Variants in NOXO1 observed in about 807,000 individuals in gnomAD.
NOXO1 encodes the protein NADPH oxidase regulatory protein.
A neutral mutation model predicts 33.3 loss-of-function variants in NOXO1; 38 were observed. The observed-to-expected ratio is 1.14, with a 90% CI of 0.88 to 1.50. The LOEUF (loss-of-function observed/expected upper bound fraction) is 1.50, where lower values mean the gene tolerates loss of function less well. NOXO1 is among the 40% of genes most tolerant of loss of function. The pLI is 0.00. For missense variants in NOXO1, 675 were observed against 527.1 expected, an observed-to-expected ratio of 1.28 and a Z score of -2.75; for synonymous variants, 302 against 237.3, an observed-to-expected ratio of 1.27 and a Z score of -2.51.
Position 1,981,027 on chromosome 16 carries a change from A to G in NOXO1, c.67-8T>C. On this transcript the variant is annotated splice_polypyrimidine_tract_variant and splice_region_variant and intron_variant, in intron 1 of 7. Transcript: ENST00000356120. Reference sequence around the variant, plus strand: ...CACAGAGAAGGCAAACGTCTGGGGGACAAAAAGTTGGGAGTGCCGTGGAGG... The same window carrying G: ...CACAGAGAAGGCAAACGTCTGGGGGGCAAAAAGTTGGGAGTGCCGTGGAGG... The G allele has an allele frequency of 6.2e-7, 1 of 1,613,222 alleles. No homozygotes were observed. Among genetic ancestry groups the G allele is most frequent in the Non-Finnish European group, 8.5e-7 (1 of 1,179,924 alleles).
At chr16:1,979,958 A>C in intron 5 of NOXO1, 39 bp downstream of exon 5, 1 of 1,583,826 alleles carries the variant, frequency 6.3e-7, no homozygotes, top group South Asian at 1.1e-5. Context: ...CGGGTCCAGG[A>C]GCAGAGGAGC....
chr16:1,979,466 C>G lies in NOXO1; in HGVS notation c.777G>C (p.Val259=), dbSNP rs764145797. 1.2e-6 allele frequency: 2 copies of G among 1,611,636 alleles called. No homozygotes were observed. Among genetic ancestry groups the G allele is most frequent in the South Asian group, 1.1e-5 (1 of 90,954 alleles). ...CGCGGTCTGACGTTTCCAACACGCG[C>G]ACGCGCGCCCCCGCGGGCACGGACA... ...DELSVPAGAR[V]RVLETSDRGW... Residue 259 remains valine (V), a synonymous_variant, in exon 7 of 8, where the codon GTG becomes GTC. Coordinates refer to ENST00000356120, the MANE Select transcript of NOXO1 (RefSeq NM_172167.3).
rs2150891626 is a variant in NOXO1, at chr16:1,980,943, A to C, written c.143T>G (p.Leu48Arg). ...GGGTGGCCCAGGGTCACTCACCTTGAGCTGCCTGAATTCGTCCCAACTCCT... is the reference window on the plus strand; with the variant it reads ...GGGTGGCCCAGGGTCACTCACCTTGCGCTGCCTGAATTCGTCCCAACTCCT... ...VRRSWDEFRQ[L>R]KKTLKETFPV... The change falls in exon 2 of 8, where the codon CTC (leucine) becomes CGC (arginine). Residue 48 changes from leucine to arginine, a missense_variant. By Grantham distance (102) the Leu-to-Arg change is moderately radical. Coordinates refer to ENST00000356120, the MANE Select transcript of NOXO1 (RefSeq NM_172167.3). The C allele has an allele frequency of 6.2e-7, 1 of 1,612,626 alleles. No homozygotes were observed.
Position 1,980,423 on chromosome 16 carries a change from G to A in NOXO1, c.345C>T (p.Ile115=). 1.9e-6 allele frequency: 3 copies of A among 1,602,792 alleles called. No individual in the cohort carries two copies. The highest frequency in any genetic ancestry group is 2.5e-6 in the Non-Finnish European group (3 of 1,179,858). Residue 115 remains isoleucine (I), a synonymous_variant, in exon 4 of 8, where the codon ATC becomes ATT. Transcript: ENST00000356120. ...TAERVARSPT[I]TGFFAPQPLD... is the part of the protein sequence containing the mutation. Reference sequence around the variant, plus strand: ...GGGGTTGCGGTGCGAAGAAGCCAGTGATCGTCGGGCTCCGTGCCACGCGCT... The same window carrying A: ...GGGGTTGCGGTGCGAAGAAGCCAGTAATCGTCGGGCTCCGTGCCACGCGCT...
chr16:1,980,018 C>A lies in NOXO1; in HGVS notation c.565G>T (p.Val189Leu). The change falls in exon 5 of 8, where the codon GTG becomes TTG. Residue 189 changes from valine to leucine, a missense_variant. Transcript: ENST00000356120. ...FQAQAQESLD[V>L]LLRHPSGWWL... The stretch of plus-strand genomic sequence containing the variant: ...CTACCTGAGGGGTGCCGCAGCAGCA[C>A]GTCCAGGCTCTCCTGGGCCTGCGCC... 6.2e-7 allele frequency: 1 copy of A among 1,605,846 alleles called. No homozygotes were observed. Among genetic ancestry groups the A allele is most frequent in the Non-Finnish European group, 8.5e-7 (1 of 1,177,446 alleles).
Position 1,980,709 on chromosome 16 carries a change from G to C in NOXO1, c.170C>G (p.Pro57Arg). The C allele has an allele frequency of 6.2e-7, 1 of 1,605,400 alleles. No individual in the cohort carries two copies. Among genetic ancestry groups the C allele is most frequent in the Non-Finnish European group, 8.5e-7 (1 of 1,176,354 alleles). Reference protein sequence around the residue: ...QLKKTLKETFPVEAGLLRRSD... With the variant: ...QLKKTLKETFRVEAGLLRRSD... ...TCTCCGCAGCAGGCCCGCCTCCACC[G>C]GGAAGGTCTCCTTGAGGGTCTTCTG... The change falls in exon 3 of 8, where the codon CCG becomes CGG. Residue 57 changes from proline (P) to arginine (R), a missense_variant. Pro to Arg is a moderately radical substitution (Grantham distance 103). Coordinates refer to ENST00000356120, the MANE Select transcript of NOXO1 (RefSeq NM_172167.3).
chr16:1,979,332 C>G lies in NOXO1; in HGVS notation c.836G>C (p.Gly279Ala), dbSNP rs1208825330. Reference protein sequence around the residue: ...WWLCRYGDRAGLLPAVLLRPE... With the variant: ...WWLCRYGDRAALLPAVLLRPE... ...CCGCAGCAGCACCGCGGGGAGTAGG[C>G]CCGCCCGGTCGCCGTACCTGCGAGG... Residue 279 changes from glycine (G) to alanine (A), a missense_variant, in exon 8 of 8, where the codon GGC (glycine) becomes GCC (alanine). Transcript: ENST00000356120. 1 of 1,574,408 alleles carries G rather than the reference C, an allele frequency of 6.4e-7. No individual in the cohort carries two copies. Among genetic ancestry groups the G allele is most frequent in the Non-Finnish European group, 8.6e-7 (1 of 1,167,572 alleles).
rs777368177 is a variant in NOXO1 at position 1,980,156 on chromosome 16, C to T, written c.427G>A (p.Glu143Lys). The change falls in exon 5 of 8, where the codon GAG becomes AAG. Residue 143 changes from glutamate to lysine, a missense_variant. Glu to Lys is a moderately conservative substitution (Grantham distance 56, BLOSUM62 1). Transcript: ENST00000356120. ...GSRVILPTPE[E>K]QPLSRAAGRL... is the part of the protein sequence containing the mutation. ...CCCGCAGCGCGAGAAAGAGGCTGCTCCTCTGGGGTGGGCAGGATCACCCGG... is the reference window on the plus strand; with the variant it reads ...CCCGCAGCGCGAGAAAGAGGCTGCTTCTCTGGGGTGGGCAGGATCACCCGG... The T allele has an allele frequency of 6.2e-7, 1 of 1,604,320 alleles. No individual in the cohort carries two copies. The highest frequency in any genetic ancestry group is 8.5e-7 in the Non-Finnish European group (1 of 1,177,924).
At position 1,981,011 on chromosome 16, in the gene NOXO1, G is replaced by C; in HGVS notation, c.75C>G (p.Ala25=). 6.2e-7 allele frequency: 1 copy of C among 1,613,356 alleles called. No homozygotes were observed. Among genetic ancestry groups the C allele is most frequent in the Non-Finnish European group, 8.5e-7 (1 of 1,179,996 alleles). ...TGCCGTCTGACCAGCGCACAGAGAA[G>C]GCAAACGTCTGGGGGACAAAAAGTT... is the stretch of plus-strand genomic sequence containing the variant. ...LVQIKRLQTF[A]FSVRWSDGSD... The change falls in exon 2 of 8, where the codon GCC becomes GCG. Residue 25 remains alanine, a synonymous_variant. Transcript: ENST00000356120.
rs574093745 is a variant in NOXO1 at position 1,979,124 on chromosome 16, C to T, written c.1044G>A (p.Glu348=). Residue 348 remains glutamate, a synonymous_variant, in exon 8 of 8, where the codon GAG becomes GAA. Coordinates refer to ENST00000356120, the MANE Select transcript of NOXO1 (RefSeq NM_172167.3). ...GGCGGCCCTGGCGCCGTGGGCGCCG[C>T]TCCAGGGCCCTGCGTGTGACGGTGC... The part of the protein sequence containing the change: ...RCCTVTRRAL[E]RRPRRQGRPR... The T allele has an allele frequency of 1.3e-6, 2 of 1,483,410 alleles. No homozygotes were observed. Among genetic ancestry groups the T allele is most frequent in the African/African-American group, 1.5e-5 (1 of 68,198 alleles). 91.9% of individuals were successfully genotyped at this position (1,483,410 alleles called of 1,614,324 possible).
chr16:1,981,049 G>A, intron 1 of NOXO1, 30 bp from the exon 2 acceptor site: 1 of 1,611,742 alleles, frequency 6.2e-7, no homozygotes, highest in Non-Finnish European at 8.5e-7. Context: ...GAGTGCCGTG[G>A]AGGTGCTGGT....
Position 1,980,658 on chromosome 16 carries a change from A to G in NOXO1, c.221T>C (p.Leu74Pro), listed in dbSNP as rs998887127. Residue 74 changes from leucine (L) to proline (P), a missense_variant and splice_region_variant, in exon 3 of 8, where the codon CTC becomes CCC. Coordinates refer to ENST00000356120, the MANE Select transcript of NOXO1 (RefSeq NM_172167.3). ...RRSDRVLPKLLDAPLLGRVGR... is the reference protein window; with the variant it reads ...RRSDRVLPKLPDAPLLGRVGR... ...TCCCGTACCCAGGCTGGCCTGACCG[A>G]GAAGCTTTGGGAGAACGCGGTCAGA... The G allele has an allele frequency of 6.2e-7, 1 of 1,605,864 alleles. No homozygotes were observed. The highest frequency in any genetic ancestry group is 2.2e-5 in the East Asian group (1 of 44,644).
Position 1,980,715 on chromosome 16 carries a change from G to T in NOXO1, c.164C>A (p.Thr55Asn), listed in dbSNP as rs778890957. The stretch of plus-strand genomic sequence containing the variant: ...CAGCAGGCCCGCCTCCACCGGGAAG[G>T]TCTCCTTGAGGGTCTTCTGAGGGCG... Reference protein sequence around the residue: ...FRQLKKTLKETFPVEAGLLRR... With the variant: ...FRQLKKTLKENFPVEAGLLRR... The change falls in exon 3 of 8, where the codon ACC (threonine) becomes AAC (asparagine). Residue 55 changes from threonine (T) to asparagine (N), a missense_variant. Transcript: ENST00000356120. 68 of 1,604,326 alleles carry T rather than the reference G, an allele frequency of 4.2e-5. No individual in the cohort carries two copies. Among genetic ancestry groups the T allele is most frequent in the Non-Finnish European group, 5.4e-5 (63 of 1,175,856 alleles).
In NOXO1 at chr16:1,980,926, C is replaced by T. The variant is rs1482772200; in HGVS notation, c.147+13G>A. 6.2e-7 allele frequency: 1 copy of T among 1,610,618 alleles called. No homozygotes were observed. Among genetic ancestry groups the T allele is most frequent in the African/African-American group, 1.3e-5 (1 of 74,900 alleles). ...CCGCCACCGCGGCATCAGGGTGGCC[C>T]AGGGTCACTCACCTTGAGCTGCCTG... On this transcript the variant is annotated intron_variant, in intron 2 of 7. Coordinates refer to ENST00000356120, the MANE Select transcript of NOXO1 (RefSeq NM_172167.3).
Position 1,979,137 on chromosome 16 carries a change from C to G in NOXO1, c.1031G>C (p.Arg344Pro), listed in dbSNP as rs751783687. ...AIQSRCCTVT[R>P]RALERRPRRQ... ...CCGTGGGCGCCGCTCCAGGGCCCTG[C>G]GTGTGACGGTGCAGCAGCGGCTCTG... Residue 344 changes from arginine to proline, a missense_variant, in exon 8 of 8, where the codon CGC (arginine) becomes CCC (proline). By Grantham distance (103) the Arg-to-Pro change is moderately radical (BLOSUM62 -2). Coordinates refer to ENST00000356120, the MANE Select transcript of NOXO1 (RefSeq NM_172167.3). The G allele has an allele frequency of 1.4e-6, 2 of 1,472,224 alleles. No individual in the cohort carries two copies. The highest frequency in any genetic ancestry group is 1.3e-5 in the South Asian group (1 of 76,676). The allele number at this position is 1,472,224 out of a possible 1,614,324, so 91.2% of individuals were successfully genotyped here. A position where few individuals can be genotyped will look rare whatever the true frequency, so the allele number is the denominator to read the frequency against.
chr16:1,979,153 A>G lies in NOXO1; in HGVS notation c.1015T>C (p.Cys339Arg). 6.8e-6 allele frequency: 10 copies of G among 1,463,144 alleles called. No individual in the cohort carries two copies. Among genetic ancestry groups the G allele is most frequent in the Non-Finnish European group, 8.9e-6 (10 of 1,118,154 alleles). The allele number at this position is 1,463,144 out of a possible 1,614,324, so 90.6% of individuals were successfully genotyped here. Residue 339 changes from cysteine (C) to arginine (R), a missense_variant, in exon 8 of 8, where the codon TGC becomes CGC. Transcript: ENST00000356120. Reference protein sequence around the residue: ...RPSPGAIQSRCCTVTRRALER... With the variant: ...RPSPGAIQSRRCTVTRRALER... ...AGGGCCCTGCGTGTGACGGTGCAGC[A>G]GCGGCTCTGGATGGCGCCCGGCGAA...
chr16:1,980,673 A>G lies in NOXO1; in HGVS notation c.206T>C (p.Val69Ala), dbSNP rs1284102004. Residue 69 changes from valine to alanine, a missense_variant, in exon 3 of 8, where the codon GTT becomes GCT. Transcript: ENST00000356120. ...EAGLLRRSDR[V>A]LPKLLDAPLL... ...GGCCTGACCGAGAAGCTTTGGGAGA[A>G]CGCGGTCAGATCTCCGCAGCAGGCC... 19 of 1,607,008 alleles carry G rather than the reference A, an allele frequency of 1.2e-5. No individual in the cohort carries two copies. The highest frequency in any genetic ancestry group is 1.6e-5 in the Non-Finnish European group (19 of 1,177,110).
Position 1,979,198 on chromosome 16 carries a change from G to A in NOXO1, c.970C>T (p.Pro324Ser), listed in dbSNP as rs2083442079. 1 of 1,464,254 alleles carries A rather than the reference G, an allele frequency of 6.8e-7. No individual in the cohort carries two copies. Among genetic ancestry groups the A allele is most frequent in the Non-Finnish European group, 9.0e-7 (1 of 1,115,878 alleles). 90.7% of individuals were successfully genotyped at this position (1,464,254 alleles called of 1,614,324 possible). A position where few individuals can be genotyped will look rare whatever the true frequency, so the allele number is the denominator to read the frequency against. The change falls in exon 8 of 8, where the codon CCC becomes TCC. Residue 324 changes from proline (P) to serine (S), a missense_variant. By Grantham distance (74) the Pro-to-Ser change is moderately conservative. Coordinates refer to ENST00000356120, the MANE Select transcript of NOXO1 (RefSeq NM_172167.3). ...GGCGAAGGTCGGGTGGGCACGGTGGGGGGAGGGGCGGTGGCCTGGGAGGGT... is the reference window on the plus strand; with the variant it reads ...GGCGAAGGTCGGGTGGGCACGGTGGAGGGAGGGGCGGTGGCCTGGGAGGGT... ...PEPSQATAPP[P>S]TVPTRPSPGA...
Position 1,979,170 on chromosome 16 carries a change from C to T in NOXO1, c.998G>A (p.Gly333Asp). ...GGTGCAGCAGCGGCTCTGGATGGCG[C>T]CCGGCGAAGGTCGGGTGGGCACGGT... The part of the protein sequence containing the change: ...PPTVPTRPSP[G>D]AIQSRCCTVT... The change falls in exon 8 of 8, where the codon GGC (glycine) becomes GAC (aspartate). Residue 333 changes from glycine (G) to aspartate (D), a missense_variant. By Grantham distance (94) the Gly-to-Asp change is moderately conservative (BLOSUM62 -1). Transcript: ENST00000356120. 2.7e-6 allele frequency: 4 copies of T among 1,458,174 alleles called. No individual in the cohort carries two copies. Among genetic ancestry groups the T allele is most frequent in the Non-Finnish European group, 3.6e-6 (4 of 1,114,782 alleles). 90.3% of individuals were successfully genotyped at this position (1,458,174 alleles called of 1,614,324 possible).
Sources: allele counts gnomAD v4.1 joint callset, GRCh38; gene constraint gnomAD v4.1.1; transcripts MANE v1.5; gene names NCBI Gene and HGNC (gene_info 2026-07-23, HGNC 2026-07-21).